The following CD109 variants were observed in gnomAD, a reference collection of about 807,000 sequenced individuals.
CD109 encodes CD109 antigen.
A neutral mutation model predicts 165.8 loss-of-function variants in CD109; 149 were observed. That is an observed-to-expected ratio of 0.90 (90% CI 0.79 to 1.03). The LOEUF (loss-of-function observed/expected upper bound fraction) is 1.03. CD109 is among the 50% of genes least tolerant of loss of function. CD109 has a pLI of 0.00. For missense variants in CD109, 1,712 were observed against 1,677.8 expected (o/e 1.02, Z -0.36); for synonymous variants, 585 against 592.1 (o/e 0.99, Z 0.18).
chr6:73,796,622 C>A (rs1285489533), intron 23 of CD109, among the ~76,000 whole-genome samples: 1 of 152,172 alleles, frequency 6.6e-6, no homozygotes, highest in Non-Finnish European at 1.5e-5. Flanking sequence ...GCTATGTGGG[C>A]ATCTCAATAA....
At chr6:73,818,812 T>A (rs1316039543) in intron 31 of CD109, among the ~76,000 whole-genome samples, 2 of 152,122 alleles carry the variant, frequency 1.3e-5, no homozygotes, top group East Asian at 3.8e-4. Context: ...ATTTCCATAG[T>A]ATAATTAAAA....
At chr6:73,741,329 A>G (rs570580464) in intron 5 of CD109, among the ~76,000 whole-genome samples, 6 of 152,280 alleles carry the variant, frequency 3.9e-5, no homozygotes, top group African/African-American at 1.4e-4. Context: ...TACTTCTGCC[A>G]TACTTTGATT....
At chr6:73,714,664 A>G (rs1173640205) in intron 2 of CD109, among the ~76,000 whole-genome samples, 2 of 152,218 alleles carry the variant, frequency 1.3e-5, no homozygotes, top group African/African-American at 4.8e-5. Flanking sequence ...ATGAGTTGGG[A>G]AAGTCTTTCG....
chr6:73,705,623 AAAAAGAAAAG>A (rs59423704), intron 2 of CD109, among the ~76,000 whole-genome samples: 159 of 148,904 alleles, frequency 1.1e-3, no homozygotes, highest in African/African-American at 2.0e-3. Flanking sequence ...CTGTCTCAAG[AAAAAGAAAAG>A]AAAAGAAAAG....
chr6:73,711,500 G>A (rs1250388017), intron 2 of CD109, among the ~76,000 whole-genome samples: 1 of 151,866 alleles, frequency 6.6e-6, no homozygotes, highest in Middle Eastern at 3.2e-3. Flanking sequence ...AAACTGTGAA[G>A]CAGAAACATT....
chr6:73,792,243 A>G (rs1261765524), intron 22 of CD109, among the ~76,000 whole-genome samples: 1 of 152,216 alleles, frequency 6.6e-6, no homozygotes, highest in Non-Finnish European at 1.5e-5. Flanking sequence ...AGAAATAAGA[A>G]TAAAATTTTG....
upstream of CD109, chr6:73,695,893 G>GC (rs1770803272): frequency 1.3e-5 from 5 of 375,200 alleles, no homozygotes; most frequent in South Asian, 1.2e-4. Flanking sequence ...GGCCGGGGAA[G>GC]TGGGCGCGCT....
Position 73,785,381 on chromosome 6 carries a change from A to C in CD109, c.2241A>C (p.Pro747=), listed in dbSNP as rs1446791771. The part of the protein sequence containing the change: ...TTPVELQAFQ[P]FFIFLNLPYS... ...CTTTCCAGCTCCAAGCCTTCCAACC[A>C]TTTTTCATTTTTTTGAATCTTCCCT... The change falls in exon 20 of 33, where the codon CCA becomes CCC. Residue 747 remains proline (P), a synonymous_variant. Coordinates refer to ENST00000287097, the MANE Select transcript of CD109 (RefSeq NM_133493.5). The C allele has an allele frequency of 6.2e-7, 1 of 1,602,186 alleles. No individual in the cohort carries two copies. Among genetic ancestry groups the C allele is most frequent in the South Asian group, 1.1e-5 (1 of 89,338 alleles).
At chr6:73,793,773 C>T (rs1021230489) in intron 23 of CD109, among the ~76,000 whole-genome samples, 1 of 152,228 alleles carries the variant, frequency 6.6e-6, no homozygotes, top group African/African-American at 2.4e-5. Context: ...CACAAACTCT[C>T]TGTGGCTGAG....
chr6:73,760,323 C>T (rs1392486595), intron 7 of CD109, among the ~76,000 whole-genome samples: 2 of 133,764 alleles, frequency 1.5e-5, no homozygotes, highest in East Asian at 2.6e-4. Context: ...AGGAGAATGG[C>T]GTGAACCTGG....
chr6:73,680,679 CAA>C, the CD109 span, among the ~76,000 whole-genome samples: 1 of 152,184 alleles, frequency 6.6e-6, no homozygotes, highest in Non-Finnish European at 1.5e-5. Context: ...TTCCTTCCTG[CAA>C]AGAGGTGGAT....
rs765302167 is a variant in CD109 at position 73,711,534 on chromosome 6, G to GTTTTTTTTTTTTTTTTTTTT, written c.248-11700_248-11699insTTTTTTTTTTTTTTTTTTTT. 8.5e-5 allele frequency among the ~76,000 whole-genome samples: 2 copies of GTTTTTTTTTTTTTTTTTTTT among 23,482 alleles called. 1 individual carries two copies. The highest frequency in any genetic ancestry group is 1.9e-3 in the East Asian group (2 of 1,040). 15.4% of individuals were successfully genotyped at this position (23,482 alleles called of 152,430 possible). ...TTGTATTTTTAAAATCGTACTTTAA[G>GTTTTTTTTTTTTTTTTTTTT]TTTTTTTTTTTTTTTTTGAGACGGA... On this transcript the variant is annotated intron_variant, in intron 2 of 32. Coordinates refer to ENST00000287097, the MANE Select transcript of CD109 (RefSeq NM_133493.5).
rs1775435641 is a variant in CD109 at position 73,803,220 on chromosome 6, G to A, written c.2879G>A (p.Gly960Asp). The change falls in exon 24 of 33, where the codon GGT becomes GAT. Residue 960 changes from glycine (G) to aspartate (D), a missense_variant and splice_region_variant. Physicochemically the swap from Gly to Asp is moderately conservative, Grantham distance 94 (BLOSUM62 -1). Transcript: ENST00000287097. Reference sequence around the variant, plus strand: ...ACTATCTGTCTATTTTTGTGTCTAGGTTACCAGAGAGAACTTCTCTATCAG... The same window carrying A: ...ACTATCTGTCTATTTTTGTGTCTAGATTACCAGAGAGAACTTCTCTATCAG... ...KEKALSFMRQ[G>D]YQRELLYQRE... 6.2e-7 allele frequency: 1 copy of A among 1,608,180 alleles called. No homozygotes were observed.
At chr6:73,725,806 C>T (rs537521367) in intron 3 of CD109, among the ~76,000 whole-genome samples, 18 of 152,306 alleles carry the variant, frequency 1.2e-4, no homozygotes, top group Admixed American at 3.9e-4. Flanking sequence ...AGCCACTGCG[C>T]CCAGCCTACT....
the CD109 span, among the ~76,000 whole-genome samples, chr6:73,688,666 G>C: frequency 6.6e-6 from 1 of 151,966 alleles, no homozygotes; most frequent in African/African-American, 2.4e-5. Context: ...CCTCTGGAGA[G>C]GGGAGAAGGG....
chr6:73,724,061 C>T (rs750235896), intron 3 of CD109, among the ~76,000 whole-genome samples: 5 of 152,022 alleles, frequency 3.3e-5, no homozygotes, highest in Non-Finnish European at 7.4e-5. Flanking sequence ...TAATATTGAC[C>T]CTGTCTTTGT....
At chr6:73,811,786 A>T (rs1200105738) in intron 28 of CD109, among the ~76,000 whole-genome samples, 1 of 152,182 alleles carries the variant, frequency 6.6e-6, no homozygotes, top group Non-Finnish European at 1.5e-5. Context: ...AGTGATGAAG[A>T]GTGGTGATGA....
At chr6:73,725,878 A>G (rs1488430179) in intron 3 of CD109, among the ~76,000 whole-genome samples, 1 of 152,208 alleles carries the variant, frequency 6.6e-6, no homozygotes, top group Non-Finnish European at 1.5e-5. Flanking sequence ...TTTGTCTTTA[A>G]TATTATGTCA....
rs1332342733 is a variant in CD109 at position 73,827,024 on chromosome 6, A to G, written c.*3391A>G. 1 of 152,198 alleles carries G rather than the reference A, an allele frequency of 6.6e-6. No individual in the cohort carries two copies. The highest frequency in any genetic ancestry group is 6.5e-5 in the Admixed American group (1 of 15,280). 9.4% of individuals were successfully genotyped at this position (152,198 alleles called of 1,614,324 possible). A position where few individuals can be genotyped will look rare whatever the true frequency, so the allele number is the denominator to read the frequency against. ...AGACATTAAGTAAAAAATTGGAACT[A>G]TGATTTTTCTTTGTCATTTTTTAAA... On this transcript the variant is annotated 3_prime_UTR_variant, in exon 33 of 33. Transcript: ENST00000287097.
Sources: allele counts gnomAD v4.1 joint callset (sites outside exome capture counted in the v4.1 genomes callset), GRCh38; gene constraint gnomAD v4.1.1; transcripts MANE v1.5; gene names NCBI Gene and HGNC (gene_info 2026-07-23, HGNC 2026-07-21).